PGM3: variants seen among roughly 807,000 people sequenced by gnomAD.
The protein encoded by PGM3 is phosphoglucomutase 3, also known as phosphoacetylglucosamine mutase.
In PGM3, 40 loss-of-function variants were observed where a neutral mutation model predicts 66.2. The ratio of observed to expected loss-of-function variants is 0.60; its 90% CI spans 0.47 to 0.79. The LOEUF (loss-of-function observed/expected upper bound fraction) is 0.79, where lower values mean the gene tolerates loss of function less well. PGM3 is among the 30% of genes least tolerant of loss of function. The pLI is 0.00. For synonymous variants in PGM3, 191 were observed against 224.2 expected, an observed-to-expected ratio of 0.85 and a Z score of 1.32; for missense variants, 537 against 643.4, an observed-to-expected ratio of 0.83 and a Z score of 1.79.
At chr6:83,164,584 C>T (rs1784996065), downstream of PGM3, 1 of 1,411,138 alleles carries the variant, frequency 7.1e-7, no homozygotes, top group African/African-American at 1.4e-5. Flanking sequence ...TCCAAATCAC[C>T]TTAAACAAGG....
At position 83,167,994 on chromosome 6, in the gene PGM3, A is replaced by G. The variant is rs146515406; in HGVS notation, c.*1240T>C. The G allele has an allele frequency of 6.2e-7, 1 of 1,614,204 alleles. No individual in the cohort carries two copies. Among genetic ancestry groups the G allele is most frequent in the Non-Finnish European group, 8.5e-7 (1 of 1,180,036 alleles). On this transcript the variant is annotated 3_prime_UTR_variant, in exon 13 of 13. Transcript: ENST00000513973. ...CAATGTGCTCAGTCAAGTCTTCAACAGCAAAGTCACAAGCCGATGTGGAGG... is the reference window on the plus strand; with the variant it reads ...CAATGTGCTCAGTCAAGTCTTCAACGGCAAAGTCACAAGCCGATGTGGAGG...
the PGM3 span, among the ~76,000 whole-genome samples, chr6:83,149,817 A>G: frequency 6.6e-6 from 1 of 152,200 alleles, no homozygotes; most frequent in Non-Finnish European, 1.5e-5. Flanking sequence ...AAGTATCAAA[A>G]AGAAGAAAAC....
chr6:83,177,450 A>C (rs1447094987), intron 8 of PGM3, among the ~76,000 whole-genome samples: 1 of 152,162 alleles, frequency 6.6e-6, no homozygotes, highest in African/African-American at 2.4e-5. Context: ...CTCTCCAAAA[A>C]AAAAAGAAGG....
At position 83,178,756 on chromosome 6, in the gene PGM3, T is replaced by C. The variant is rs1043488492; in HGVS notation, c.946A>G (p.Ile316Val). 1 of 1,538,980 alleles carries C rather than the reference T, an allele frequency of 6.5e-7. No homozygotes were observed. The highest frequency in any genetic ancestry group is 9.0e-7 in the Non-Finnish European group (1 of 1,111,720). The change falls in exon 8 of 13, where the codon ATT becomes GTT. Residue 316 changes from isoleucine (I) to valine (V), a missense_variant and splice_region_variant. Physicochemically the swap from Ile to Val is conservative, Grantham distance 29. Transcript: ENST00000513973. ...SSFLKELLVE[I>V]GESLNIGVVQ... ...ACACCAATATTCAAACTTTCTCCAATCTAGACAAAAACAATGATACTTAAC... is the reference window on the plus strand; with the variant it reads ...ACACCAATATTCAAACTTTCTCCAACCTAGACAAAAACAATGATACTTAAC...
intron 4 of PGM3, among the ~76,000 whole-genome samples, chr6:83,185,310 T>C (rs1325468617): frequency 6.6e-6 from 1 of 152,254 alleles, no homozygotes; most frequent in African/African-American, 2.4e-5. Context: ...TGGATGAGCA[T>C]TGTTTATTGA....
At position 83,168,815 on chromosome 6, in the gene PGM3, T is replaced by C; in HGVS notation, c.*419A>G. 9.9e-7 allele frequency: 1 copy of C among 1,010,578 alleles called. No homozygotes were observed. The highest frequency in any genetic ancestry group is 1.2e-6 in the Non-Finnish European group (1 of 844,134). 62.6% of individuals were successfully genotyped at this position (1,010,578 alleles called of 1,614,324 possible). ...CAATGGAAAAACTGGTTGTATAAAG[T>C]CTTCTCTGCCCTCTCCATTTGTATC... On this transcript the variant is annotated 3_prime_UTR_variant, in exon 13 of 13. Coordinates refer to ENST00000513973, the MANE Select transcript of PGM3 (RefSeq NM_015599.3).
intron 4 of PGM3, among the ~76,000 whole-genome samples, chr6:83,185,116 A>G (rs932340355): frequency 4.6e-5 from 7 of 152,266 alleles, no homozygotes; most frequent in Admixed American, 1.3e-4. Flanking sequence ...TGGGGATGAC[A>G]GAAAGAATAC....
At position 83,188,752 on chromosome 6, in the gene PGM3, G is replaced by A. The variant is rs2128506463; in HGVS notation, c.251C>T (p.Ala84Val). The part of the protein sequence containing the change: ...KLVDPLGEML[A>V]PSWEEHATCL... ...GGTGGCATGTTCCTCCCAGGATGGTGCCAACATTTCACCCAAAGGATCAAC... is the reference window on the plus strand; with the variant it reads ...GGTGGCATGTTCCTCCCAGGATGGTACCAACATTTCACCCAAAGGATCAAC... The change falls in exon 3 of 13, where the codon GCA becomes GTA. Residue 84 changes from alanine to valine, a missense_variant. Ala to Val is a moderately conservative substitution (Grantham distance 64). Coordinates refer to ENST00000513973, the MANE Select transcript of PGM3 (RefSeq NM_015599.3). The A allele has an allele frequency of 1.9e-6, 3 of 1,614,026 alleles. No individual in the cohort carries two copies. The highest frequency in any genetic ancestry group is 1.3e-5 in the African/African-American group (1 of 75,002).
At chr6:83,179,613 A>G (rs1788028467) in intron 7 of PGM3, among the ~76,000 whole-genome samples, 197 bp downstream of exon 7, 1 of 152,168 alleles carries the variant, frequency 6.6e-6, no homozygotes, top group Non-Finnish European at 1.5e-5. Context: ...AAGGAGGAAA[A>G]GAGTACCTTC....
chr6:83,180,870 G>A (rs73749728), intron 6 of PGM3, among the ~76,000 whole-genome samples: 2,851 of 152,328 alleles, frequency 0.019, 100 homozygotes, highest in African/African-American at 0.065. Context: ...GATGAAGTCT[G>A]TAGAGTTCCA....
chr6:83,191,574 C>G (rs1306492907), intron 1 of PGM3, among the ~76,000 whole-genome samples: 1 of 152,200 alleles, frequency 6.6e-6, no homozygotes, highest in African/African-American at 2.4e-5. Context: ...AGTTTCTTCT[C>G]CAAGACTACC....
chr6:83,166,877 T>G lies in PGM3; in HGVS notation c.*2357A>C. ...AACTCCATTTGTTAATATGACAGAT[T>G]GTAATTCTGCTTCCTAAGTCTTCAT... On this transcript the variant is annotated 3_prime_UTR_variant, in exon 13 of 13. Transcript: ENST00000513973. 1 of 992,458 alleles carries G rather than the reference T, an allele frequency of 1.0e-6. No homozygotes were observed. The highest frequency in any genetic ancestry group is 1.2e-6 in the Non-Finnish European group (1 of 834,718). The allele number at this position is 992,458 out of a possible 1,614,324, so 61.5% of individuals were successfully genotyped here.
At chr6:83,161,857 C>CA (rs1784314589), downstream of PGM3, among the ~76,000 whole-genome samples, 1 of 151,984 alleles carries the variant, frequency 6.6e-6, no homozygotes, top group African/African-American at 2.4e-5. Context: ...CAGATGTGCA[C>CA]AAAAATAAAT....
intron 8 of PGM3, among the ~76,000 whole-genome samples, chr6:83,176,371 G>C (rs1787771417): frequency 6.6e-6 from 1 of 152,192 alleles, no homozygotes; most frequent in Non-Finnish European, 1.5e-5. Context: ...GTGGAGAATA[G>C]CTTAGAGCAG....
At chr6:83,152,288 A>G in the PGM3 span, 2 of 1,546,044 alleles carry the variant, frequency 1.3e-6, no homozygotes, top group Non-Finnish European at 8.8e-7. Context: ...TTATTTATAG[A>G]TATGTTATCA....
At chr6:83,187,483 T>A (rs1175567134) in intron 3 of PGM3, among the ~76,000 whole-genome samples, 1 of 152,176 alleles carries the variant, frequency 6.6e-6, no homozygotes, top group Non-Finnish European at 1.5e-5. Context: ...TTTTGTAAAG[T>A]CAGAACAAAT....
intron 4 of PGM3, among the ~76,000 whole-genome samples, chr6:83,184,988 C>A: frequency 6.6e-6 from 1 of 152,146 alleles, no homozygotes; most frequent in Non-Finnish European, 1.5e-5. Context: ...ATACACTAAG[C>A]TGAAGAGAGA....
In PGM3 at chr6:83,180,522, C is replaced by T. The variant is rs527292957; in HGVS notation, c.788-555G>A. On this transcript the variant is annotated intron_variant, in intron 6 of 12. Transcript: ENST00000513973. ...AATTTATTAGAAAATTTGGCTATTC[C>T]TTAGCCATGACAGCAGCAGAGTGAC... Among the ~76,000 whole-genome samples the T allele has an allele frequency of 3.9e-5, 6 of 152,252 alleles. No individual in the cohort carries two copies. In the East Asian group the frequency reaches 1.2e-3, roughly 29 times the overall value.
intron 4 of PGM3, among the ~76,000 whole-genome samples, chr6:83,186,177 C>T (rs992949605): frequency 6.6e-6 from 1 of 152,112 alleles, no homozygotes; most frequent in Non-Finnish European, 1.5e-5. Context: ...CACAGAGGTC[C>T]CTGGTTAATA....
Sources: gnomAD v4.1 joint callset for allele counts (sites outside exome capture counted in the v4.1 genomes callset) on GRCh38, gnomAD v4.1.1 for gene constraint, MANE v1.5 for transcripts, NCBI Gene and HGNC (gene_info 2026-07-23, HGNC 2026-07-21) for gene names.